PLB1: variants seen among roughly 807,000 people sequenced by gnomAD.
The protein encoded by PLB1 is phospholipase B1.
PLB1 carries 242 observed loss-of-function variants against 227.4 expected under a neutral mutation model. The observed-to-expected ratio is 1.06, with a 90% CI of 0.96 to 1.18. PLB1 has a LOEUF of 1.18. PLB1 is among the 50% of genes most tolerant of loss of function. The probability of loss-of-function intolerance (pLI) is 0.00; values close to 1 mark genes in which losing one functional copy is unlikely to be tolerated. For missense variants in PLB1, 1,858 were observed against 1,816.3 expected, an observed-to-expected ratio of 1.02 and a Z score of -0.42; for synonymous variants, 757 against 682.2, an observed-to-expected ratio of 1.11 and a Z score of -1.71.
chr2:28,604,779 C>G lies in PLB1; in HGVS notation c.2961+20C>G, dbSNP rs1402915465. The G allele has an allele frequency of 4.4e-6, 7 of 1,599,710 alleles. No individual in the cohort carries two copies. In the Admixed American group the frequency reaches 1.2e-4, roughly 27 times the overall value. On this transcript the variant is annotated intron_variant, in intron 41 of 57. Coordinates refer to ENST00000327757, the MANE Select transcript of PLB1 (RefSeq NM_153021.5). ...CTGGCGGTATGTCCCCTGCCCTCAC[C>G]CATGGTACTCTTTTAGAGGAAGAAA...
chr2:28,545,442 G>C (rs1026687031), intron 14 of PLB1, among the ~76,000 whole-genome samples: 1 of 152,100 alleles, frequency 6.6e-6, no homozygotes, highest in South Asian at 2.1e-4. Flanking sequence ...CTGCAGACCC[G>C]AATTCAGCCA....
chr2:28,621,048 G>C, intron 49 of PLB1, 70 bp downstream of exon 49: 4 of 1,339,056 alleles, frequency 3.0e-6, no homozygotes, highest in Non-Finnish European at 4.2e-6. Flanking sequence ...AACCGGAGGA[G>C]AGGAGGGTGG....
chr2:28,533,940 C>T (rs1558688333), intron 9 of PLB1, among the ~76,000 whole-genome samples: 4 of 152,196 alleles, frequency 2.6e-5, no homozygotes, highest in African/African-American at 9.7e-5. Flanking sequence ...AAAACTAAAA[C>T]ATCAGTTAAA....
At chr2:28,563,186 C>A in intron 18 of PLB1, 87 bp downstream of exon 18, 2 of 1,345,344 alleles carry the variant, frequency 1.5e-6, no homozygotes, top group Non-Finnish European at 2.1e-6. Context: ...GAGAGAAGGT[C>A]TCACGCCTGG....
Position 28,518,447 on chromosome 2 carries a change from T to C in PLB1, c.118-19T>C. 1 of 1,592,104 alleles carries C rather than the reference T, an allele frequency of 6.3e-7. No individual in the cohort carries two copies. The highest frequency in any genetic ancestry group is 1.1e-5 in the South Asian group (1 of 90,610). On this transcript the variant is annotated intron_variant, in intron 2 of 57. Transcript: ENST00000327757. ...TATACAAGGCAGTTGATGTTTCTGA[T>C]GTTCGTTTTCAATTGCAGACCCTGA... is the stretch of plus-strand genomic sequence containing the variant.
intron 52 of PLB1, 29 bp downstream of exon 52, chr2:28,628,657 C>T: frequency 6.2e-7 from 1 of 1,608,074 alleles, no homozygotes; most frequent in Non-Finnish European, 8.5e-7. Context: ...GTTCCTGGGT[C>T]CCGCCAGCCA....
At chr2:28,562,007 C>G (rs1032856640) in intron 17 of PLB1, among the ~76,000 whole-genome samples, 1 of 152,144 alleles carries the variant, frequency 6.6e-6, no homozygotes, top group Non-Finnish European at 1.5e-5. Context: ...ATTCTATGTA[C>G]ATGAAATATC....
chr2:28,499,362 C>G lies in PLB1; in HGVS notation c.55+3193C>G, dbSNP rs560880911. ...CCAGGCTCAAGTCTGGATTAGTTCT[C>G]TATTGCTTTGTAACAAAGCAATGGC... On this transcript the variant is annotated intron_variant, in intron 1 of 57. Transcript: ENST00000327757. Among the ~76,000 whole-genome samples, 422 of 152,188 alleles carry G rather than the reference C, an allele frequency of 2.8e-3. 3 individuals are homozygous for G. Among genetic ancestry groups the G allele is most frequent in the African/African-American group, 9.6e-3 (399 of 41,538 alleles).
chr2:28,643,221 T>C lies in PLB1; in HGVS notation c.*160T>C. 1.6e-6 allele frequency: 1 copy of C among 612,164 alleles called. No individual in the cohort carries two copies. The allele number at this position is 612,164 out of a possible 1,614,324, so 37.9% of individuals were successfully genotyped here. A position where few individuals can be genotyped will look rare whatever the true frequency, so the allele number is the denominator to read the frequency against. ...TTGGGGCCTGGGCTTCTTCCAGGCC[T>C]ATGCTCCTGGAATGGATACATTTAA... is the stretch of plus-strand genomic sequence containing the variant. On this transcript the variant is annotated 3_prime_UTR_variant, in exon 58 of 58. Transcript: ENST00000327757.
chr2:28,568,272 A>G (rs958100489), intron 20 of PLB1, among the ~76,000 whole-genome samples: 4 of 152,232 alleles, frequency 2.6e-5, no homozygotes, highest in South Asian at 2.1e-4. Flanking sequence ...AATGTATGCA[A>G]TAGCTTTCTG....
intron 30 of PLB1, among the ~76,000 whole-genome samples, 191 bp from the exon 31 acceptor site, chr2:28,591,509 T>C (rs1681928190): frequency 6.6e-6 from 1 of 152,208 alleles, no homozygotes. Context: ...CTGAACTCGA[T>C]GAGTGGACCT....
intron 1 of PLB1, among the ~76,000 whole-genome samples, chr2:28,498,658 C>G (rs928347129): frequency 1.3e-5 from 2 of 152,196 alleles, no homozygotes; most frequent in African/African-American, 4.8e-5. Flanking sequence ...TCTGTTTGTA[C>G]ATTAAGGATT....
At chr2:28,507,405 A>T (rs1037029323) in intron 1 of PLB1, among the ~76,000 whole-genome samples, 9 of 152,208 alleles carry the variant, frequency 5.9e-5, no homozygotes, top group Non-Finnish European at 1.3e-4. Flanking sequence ...CCATGACAGA[A>T]GGCAAAATGG....
intron 25 of PLB1, 135 bp downstream of exon 25, chr2:28,582,640 A>G (rs1265276113): frequency 5.8e-6 from 4 of 691,470 alleles, no homozygotes; most frequent in Admixed American, 5.2e-5. Flanking sequence ...CTAACCTGGA[A>G]AAGCCTAAGG....
At chr2:28,526,175 A>C (rs928466021) in intron 6 of PLB1, among the ~76,000 whole-genome samples, 1 of 152,144 alleles carries the variant, frequency 6.6e-6, no homozygotes, top group African/African-American at 2.4e-5. Flanking sequence ...AACAGAAGCC[A>C]GTGGGCATTG....
intron 1 of PLB1, among the ~76,000 whole-genome samples, chr2:28,515,020 C>T (rs552438127): frequency 1.3e-5 from 2 of 152,150 alleles, no homozygotes; most frequent in South Asian, 4.1e-4. Context: ...CCTCAGTTTT[C>T]TGTCTGTAAA....
At chr2:28,596,747 G>A (rs10194528) in intron 33 of PLB1, among the ~76,000 whole-genome samples, 68,486 of 152,108 alleles carry the variant, frequency 0.45, 16,010 homozygotes, top group Non-Finnish European at 0.53. Context: ...GGAAGGGTGG[G>A]GAGCGAGAAC....
At chr2:28,575,110 G>GT (rs1270349438) in intron 21 of PLB1, among the ~76,000 whole-genome samples, 1 of 152,182 alleles carries the variant, frequency 6.6e-6, no homozygotes, top group African/African-American at 2.4e-5. Flanking sequence ...CATGGCGGTT[G>GT]TACTAGTTTA....
chr2:28,546,865 C>G (rs1673342325), intron 14 of PLB1, among the ~76,000 whole-genome samples: 1 of 151,986 alleles, frequency 6.6e-6, no homozygotes, highest in Non-Finnish European at 1.5e-5. Flanking sequence ...ATGGCTCTTT[C>G]AAGGTTTCTT....
Sources: allele counts gnomAD v4.1 joint callset (sites outside exome capture counted in the v4.1 genomes callset), GRCh38; gene constraint gnomAD v4.1.1; transcripts MANE v1.5; gene names NCBI Gene and HGNC (gene_info 2026-07-23, HGNC 2026-07-21).